Variants in TULP4 observed in about 807,000 individuals in gnomAD.
TULP4 encodes the protein TUB like protein 4.
In TULP4, 16 loss-of-function variants were observed where a neutral mutation model predicts 129.0. That is an observed-to-expected ratio of 0.12 (90% CI 0.08 to 0.19). The LOEUF (loss-of-function observed/expected upper bound fraction) is 0.19. Among genes scored for constraint, TULP4 ranks in the 10% least tolerant of loss-of-function variants. The pLI, the probability that TULP4 is intolerant of heterozygous loss-of-function variation, is 1.00. For missense variants in TULP4, 1,842 were observed against 2,059.1 expected (o/e 0.89, Z 2.04); for synonymous variants, 998 against 854.0 (o/e 1.17, Z -2.94).
chr6:158,336,464 G>A (rs1780037191), intron 1 of TULP4, among the ~76,000 whole-genome samples: 1 of 151,962 alleles, frequency 6.6e-6, no homozygotes. Context: ...CTCTTATTGC[G>A]CTGGATTTTG....
In TULP4 at chr6:158,464,488, A is replaced by AC. The variant is rs1397294371; in HGVS notation, c.1026+2765dup. ...CAACGTTCTTGTTCCCCGCTGCAACACCCCCCGCCGCAAGACGGAGGTCTT... is the reference window on the plus strand; with the variant it reads ...CAACGTTCTTGTTCCCCGCTGCAACACCCCCCCGCCGCAAGACGGAGGTCTT... On this transcript the variant is annotated intron_variant, in intron 6 of 13. Coordinates refer to ENST00000367097, the MANE Select transcript of TULP4 (RefSeq NM_020245.5). Among the ~76,000 whole-genome samples the AC allele has an allele frequency of 5.9e-5, 9 of 151,632 alleles. 1 individual carries two copies. The East Asian group carries it at 1.6e-3, about 26-fold the overall frequency.
chr6:158,489,820 C>T (rs1780158449), intron 9 of TULP4, 88 bp downstream of exon 9: 1 of 1,511,154 alleles, frequency 6.6e-7, no homozygotes, highest in Admixed American at 2.0e-5. Context: ...TGAAACTGAC[C>T]AGAAGAGTCA....
intron 3 of TULP4, among the ~76,000 whole-genome samples, chr6:158,430,929 CT>C (rs912707446): frequency 2.0e-5 from 3 of 151,922 alleles, no homozygotes; most frequent in Non-Finnish European, 4.4e-5. Flanking sequence ...TTTTGAGCCA[CT>C]TTTTTTTAAC....
chr6:158,496,947 G>A (rs748167807), intron 11 of TULP4, among the ~76,000 whole-genome samples: 2 of 152,148 alleles, frequency 1.3e-5, no homozygotes, highest in Non-Finnish European at 2.9e-5. Context: ...TCCTGCGCTC[G>A]AGTGATTCTC....
At chr6:158,284,352 C>T (rs879716897) in intron 1 of TULP4, among the ~76,000 whole-genome samples, 6 of 152,268 alleles carry the variant, frequency 3.9e-5, no homozygotes, top group East Asian at 1.9e-4. Context: ...AGCTGAGAAA[C>T]GAATCTAAAT....
chr6:158,394,273 A>T (rs1189177120), intron 1 of TULP4, among the ~76,000 whole-genome samples: 1 of 152,164 alleles, frequency 6.6e-6, no homozygotes, highest in Non-Finnish European at 1.5e-5. Flanking sequence ...TATTGTCGGT[A>T]TCACTATCAG....
At chr6:158,366,566 T>A (rs1014702600) in intron 1 of TULP4, among the ~76,000 whole-genome samples, 9 of 152,236 alleles carry the variant, frequency 5.9e-5, no homozygotes, top group Admixed American at 4.6e-4. Context: ...CATTTGCCTC[T>A]GCTCCCATCC....
intron 1 of TULP4, among the ~76,000 whole-genome samples, chr6:158,366,010 C>A (rs376128085): frequency 6.9e-5 from 10 of 145,664 alleles, no homozygotes; most frequent in African/African-American, 2.5e-4. Context: ...TCATGCCATT[C>A]TCCTGCCTCA....
intron 1 of TULP4, among the ~76,000 whole-genome samples, chr6:158,276,203 C>T (rs1024429297): frequency 1.3e-5 from 2 of 151,910 alleles, no homozygotes; most frequent in African/African-American, 4.8e-5. Flanking sequence ...CTCCTGACCT[C>T]GAATGATCTG....
At chr6:158,400,889 A>C (rs1237584037) in intron 1 of TULP4, among the ~76,000 whole-genome samples, 1 of 152,054 alleles carries the variant, frequency 6.6e-6, no homozygotes, top group African/African-American at 2.4e-5. Context: ...TGTACTGTAT[A>C]ATGTGAAAGA....
chr6:158,412,922 C>T, intron 1 of TULP4, 143 bp from the exon 2 acceptor site: 1 of 1,196,400 alleles, frequency 8.4e-7, no homozygotes, highest in South Asian at 1.8e-5. Context: ...CTGTCTGTTC[C>T]CTGCCCTGAT....
intron 1 of TULP4, among the ~76,000 whole-genome samples, chr6:158,301,669 C>T (rs1340640141): frequency 1.3e-5 from 2 of 152,064 alleles, no homozygotes; most frequent in Admixed American, 6.6e-5. Context: ...ACTATTAGCC[C>T]AGTAGGGGAG....
At chr6:158,261,343 G>C (rs2128457483) in intron 1 of TULP4, among the ~76,000 whole-genome samples, 1 of 152,274 alleles carries the variant, frequency 6.6e-6, no homozygotes, top group South Asian at 2.1e-4. Flanking sequence ...AGTTTGATTT[G>C]AGGACATGGT....
intron 3 of TULP4, among the ~76,000 whole-genome samples, chr6:158,430,526 T>A (rs529909849): frequency 6.6e-6 from 1 of 152,234 alleles, no homozygotes; most frequent in East Asian, 1.9e-4. Flanking sequence ...GTGGATCACC[T>A]AAGGTCAGGA....
At chr6:158,468,996 GA>G (rs1453470576) in intron 6 of TULP4, among the ~76,000 whole-genome samples, 15 of 152,186 alleles carry the variant, frequency 9.9e-5, no homozygotes, top group African/African-American at 2.9e-4. Context: ...ATTTCGGAGG[GA>G]CACACATTCA....
At chr6:158,288,790 G>A (rs1778877627) in intron 1 of TULP4, among the ~76,000 whole-genome samples, 1 of 152,080 alleles carries the variant, frequency 6.6e-6, no homozygotes, top group African/African-American at 2.4e-5. Flanking sequence ...GTGAGCCACC[G>A]CGCCCAGCCA....
At chr6:158,279,788 C>T (rs1370862194), upstream of TULP4, among the ~76,000 whole-genome samples, 1 of 152,184 alleles carries the variant, frequency 6.6e-6, no homozygotes, top group East Asian at 1.9e-4. Context: ...CAGACCTATT[C>T]ATTCTCTTCC....
chr6:158,479,946 C>G lies in TULP4; in HGVS notation c.1222C>G (p.Leu408Val), dbSNP rs1192265578. The change falls in exon 7 of 14, where the codon CTC becomes GTC. Residue 408 changes from leucine to valine, a missense_variant. This residue lies in a region of TULP4 where 456 missense variants were observed against 534.3 expected (regional missense o/e 0.85). Coordinates refer to ENST00000367097, the MANE Select transcript of TULP4 (RefSeq NM_020245.5). Reference sequence around the variant, plus strand: ...TCTGCCCCCCCGCCTCTGCTCCTACCTCTCCACTGCCTTCATCCCCACCAT... The same window carrying G: ...TCTGCCCCCCCGCCTCTGCTCCTACGTCTCCACTGCCTTCATCCCCACCAT... ...LTLPPRLCSY[L>V]STAFIPTIKP... The G allele has an allele frequency of 6.2e-7, 1 of 1,609,408 alleles. No individual in the cohort carries two copies. Among genetic ancestry groups the G allele is most frequent in the Admixed American group, 1.7e-5 (1 of 60,022 alleles).
intron 1 of TULP4, among the ~76,000 whole-genome samples, chr6:158,276,651 G>A (rs1322006110): frequency 6.6e-6 from 1 of 152,062 alleles, no homozygotes; most frequent in Non-Finnish European, 1.5e-5. Context: ...GTGCCAGCTT[G>A]ACACCCTTGT....
Sources: gnomAD v4.1 joint callset for allele counts (sites outside exome capture counted in the v4.1 genomes callset) on GRCh38, gnomAD v4.1.1 for gene constraint, gnomAD v4.1.1 regional missense constraint, MANE v1.5 for transcripts, NCBI Gene and HGNC (gene_info 2026-07-23, HGNC 2026-07-21) for gene names.